The following LSAMP variants were observed in gnomAD, a reference collection of about 807,000 sequenced individuals.
LSAMP encodes the protein limbic system associated membrane protein.
A neutral mutation model predicts 38.6 loss-of-function variants in LSAMP; 7 were observed. That is an observed-to-expected ratio of 0.18 (90% confidence interval 0.10 to 0.34). LSAMP has a LOEUF of 0.34. Among genes scored for constraint, LSAMP ranks in the 10% least tolerant of loss-of-function variants. The pLI is 1.00. For synonymous variants in LSAMP, 154 were observed against 166.8 expected (o/e 0.92, Z 0.59); for missense variants, 313 against 420.0 (o/e 0.75, Z 2.23).
chr3:116,407,723 A>C (rs899589671), intron 1 of LSAMP, among the ~76,000 whole-genome samples: 15 of 152,066 alleles, frequency 9.9e-5, no homozygotes, highest in African/African-American at 3.4e-4. Flanking sequence ...ATGAATTTGC[A>C]TGTTAAAATT....
chr3:116,077,092 ATTG>A (rs1325963286), intron 2 of LSAMP, among the ~76,000 whole-genome samples: 1 of 151,418 alleles, frequency 6.6e-6, no homozygotes, highest in African/African-American at 2.4e-5. Flanking sequence ...ATTGTTAAAT[ATTG>A]TTAATATATT....
chr3:116,073,525 A>G (rs572486383), intron 2 of LSAMP, among the ~76,000 whole-genome samples: 2 of 152,306 alleles, frequency 1.3e-5, no homozygotes, highest in South Asian at 4.1e-4. Context: ...CCATTTTCAC[A>G]ATATTGATTC....
chr3:116,109,633 C>T (rs937917111), intron 1 of LSAMP, among the ~76,000 whole-genome samples: 30 of 152,260 alleles, frequency 2.0e-4, no homozygotes, highest in African/African-American at 6.7e-4. Context: ...TTTGGAACTA[C>T]TGTCTAGTTT....
chr3:116,326,022 G>A (rs1409994590), intron 1 of LSAMP, among the ~76,000 whole-genome samples: 2 of 152,094 alleles, frequency 1.3e-5, no homozygotes, highest in Admixed American at 6.6e-5. Context: ...ATTGAGGAGT[G>A]GGGGATTTTA....
rs553900157 is a variant in LSAMP at position 116,220,134 on chromosome 3, G to C, written c.156-133578C>G. Among the ~76,000 whole-genome samples the C allele has an allele frequency of 4.0e-5, 6 of 151,726 alleles. No individual in the cohort carries two copies. In the East Asian group the frequency reaches 7.8e-4, roughly 20 times the overall value. On this transcript the variant is annotated intron_variant, in intron 1 of 6. Transcript: ENST00000490035. ...GGAGGCAGAGGTTACAGTGAGCTGAGACTGTGCCACTGCACTCCTGCCTGG... is the reference window on the plus strand; with the variant it reads ...GGAGGCAGAGGTTACAGTGAGCTGACACTGTGCCACTGCACTCCTGCCTGG...
At chr3:116,117,691 G>A (rs1419864296) in intron 1 of LSAMP, among the ~76,000 whole-genome samples, 1 of 151,890 alleles carries the variant, frequency 6.6e-6, no homozygotes, top group South Asian at 2.1e-4. Context: ...AGTATTTTGT[G>A]GCATGTCTAT....
intron 1 of LSAMP, among the ~76,000 whole-genome samples, chr3:116,420,302 T>C (rs1336098094): frequency 6.6e-6 from 1 of 151,984 alleles, no homozygotes; most frequent in East Asian, 2.0e-4. Flanking sequence ...TTCACCATGT[T>C]GGCCAAGCTA....
chr3:116,094,766 G>A (rs1396054972), intron 1 of LSAMP, among the ~76,000 whole-genome samples: 1 of 152,168 alleles, frequency 6.6e-6, no homozygotes, highest in East Asian at 1.9e-4. Context: ...GCTCATTTTA[G>A]TTCTGGCCTT....
At chr3:116,275,385 C>T (rs1158612334) in intron 1 of LSAMP, among the ~76,000 whole-genome samples, 1 of 152,128 alleles carries the variant, frequency 6.6e-6, no homozygotes, top group African/African-American at 2.4e-5. Context: ...CTCTATTCTT[C>T]TCTTTAAAAT....
intron 3 of LSAMP, among the ~76,000 whole-genome samples, chr3:115,984,498 A>C (rs965522456): frequency 6.6e-6 from 1 of 152,206 alleles, no homozygotes; most frequent in Non-Finnish European, 1.5e-5. Flanking sequence ...TGAGGGATTT[A>C]GCTATGTGGT....
rs1189079190 is a variant in LSAMP at position 115,997,753 on chromosome 3, T to TACAC, written c.514+21758_514+21761dup. On this transcript the variant is annotated intron_variant, in intron 3 of 6. Transcript: ENST00000490035. ...ATATATATATATATATATATATATA[T>TACAC]ACACACACATACATACACACACATA... 1.3e-3 allele frequency among the ~76,000 whole-genome samples: 167 copies of TACAC among 124,900 alleles called. 2 individuals are homozygous for TACAC. The Middle Eastern group carries it at 0.017, about 13-fold the overall frequency. The allele number at this position is 124,900 out of a possible 152,430, so 81.9% of individuals were successfully genotyped here.
chr3:116,342,998 T>A (rs979379295), intron 1 of LSAMP, among the ~76,000 whole-genome samples: 2 of 152,106 alleles, frequency 1.3e-5, no homozygotes, highest in African/African-American at 4.8e-5. Context: ...CCATTATGTG[T>A]TAAGTATTTA....
Position 116,374,495 on chromosome 3 carries a change from A to G in LSAMP, c.155+70382T>C, listed in dbSNP as rs74878054. ...CATTTTACTAATAATGAATTGAGAT[A>G]CTAAAAGATTGTGGCTGACTCCATG... is the stretch of plus-strand genomic sequence containing the variant. On this transcript the variant is annotated intron_variant, in intron 1 of 6. Coordinates refer to ENST00000490035, the MANE Select transcript of LSAMP (RefSeq NM_002338.5). Among the ~76,000 whole-genome samples, 82 of 152,036 alleles carry G rather than the reference A, an allele frequency of 5.4e-4. 1 individual carries two copies. Among genetic ancestry groups the G allele is most frequent in the African/African-American group, 1.8e-3 (75 of 41,548 alleles).
intron 3 of LSAMP, among the ~76,000 whole-genome samples, chr3:115,858,568 G>T (rs2107531315): frequency 6.6e-6 from 1 of 152,214 alleles, no homozygotes; most frequent in South Asian, 2.1e-4. Context: ...TCACAGATAG[G>T]AAGATGTGCT....
intron 3 of LSAMP, among the ~76,000 whole-genome samples, chr3:115,879,779 C>T (rs1214876415): frequency 6.6e-6 from 1 of 152,036 alleles, no homozygotes; most frequent in Admixed American, 6.6e-5. Flanking sequence ...CAAAAGAGGC[C>T]TGGGTAAAAC....
intron 3 of LSAMP, among the ~76,000 whole-genome samples, chr3:116,012,890 T>C (rs114457950): frequency 0.016 from 2,418 of 152,356 alleles, 38 homozygotes; most frequent in Non-Finnish European, 0.021. Context: ...TAATATATGA[T>C]ACGTATTCTA....
chr3:116,290,385 T>A (rs2047248404), intron 1 of LSAMP, among the ~76,000 whole-genome samples: 1 of 152,118 alleles, frequency 6.6e-6, no homozygotes, highest in Non-Finnish European at 1.5e-5. Flanking sequence ...AATCTGTAAG[T>A]TGAAGAATTC....
At chr3:116,000,975 G>A (rs762630642) in intron 3 of LSAMP, among the ~76,000 whole-genome samples, 1 of 152,148 alleles carries the variant, frequency 6.6e-6, no homozygotes, top group Non-Finnish European at 1.5e-5. Context: ...TTCTGAAACA[G>A]TTATGCAGTT....
At chr3:116,223,008 G>T (rs976698939) in intron 1 of LSAMP, among the ~76,000 whole-genome samples, 1 of 151,974 alleles carries the variant, frequency 6.6e-6, no homozygotes, top group African/African-American at 2.4e-5. Context: ...AAAGTGCTGG[G>T]ATTACAGGCG....
Sources: allele counts gnomAD v4.1 joint callset (sites outside exome capture counted in the v4.1 genomes callset), GRCh38; gene constraint gnomAD v4.1.1; transcripts MANE v1.5; gene names NCBI Gene and HGNC (gene_info 2026-07-23, HGNC 2026-07-21).